Variants in POLR3B observed in about 807,000 individuals in gnomAD.
The protein encoded by POLR3B is DNA-directed RNA polymerase III subunit RPC2.
Under a neutral mutation model 147.4 loss-of-function variants are expected in POLR3B, and 96 were observed. The ratio of observed to expected loss-of-function variants is 0.65; its 90% CI spans 0.55 to 0.77. POLR3B has a LOEUF of 0.77. POLR3B is among the 30% of genes least tolerant of loss of function. The pLI is 0.00. For missense variants in POLR3B, 1,036 were observed against 1,413.5 expected, an observed-to-expected ratio of 0.73 and a Z score of 4.28; for synonymous variants, 461 against 485.9, an observed-to-expected ratio of 0.95 and a Z score of 0.67.
chr12:106,460,647 G>A (rs568440401), intron 22 of POLR3B, among the ~76,000 whole-genome samples: 1 of 152,294 alleles, frequency 6.6e-6, no homozygotes, highest in East Asian at 1.9e-4. Flanking sequence ...TTACAGAGGT[G>A]CCTCTGCTGG....
At chr12:106,390,946 G>A (rs1243088814) in intron 9 of POLR3B, among the ~76,000 whole-genome samples, 5 of 152,134 alleles carry the variant, frequency 3.3e-5, no homozygotes, top group African/African-American at 1.2e-4. Context: ...AGGCTGAGGT[G>A]GGAGGTTCAC....
chr12:106,501,454 AC>A lies in POLR3B; in HGVS notation c.3098+19del, dbSNP rs764916705. On this transcript the variant is annotated intron_variant, in intron 26 of 27. Coordinates refer to ENST00000228347, the MANE Select transcript of POLR3B (RefSeq NM_018082.6). Reference sequence around the variant, plus strand: ...CTTACCAGGTAAGAGAAAAGTACTTACAAAAAGAATTGATAATGCAGTCAAG... The same window carrying A: ...CTTACCAGGTAAGAGAAAAGTACTTAAAAAAGAATTGATAATGCAGTCAAG... 11 of 1,430,322 alleles carry A rather than the reference AC, an allele frequency of 7.7e-6. No individual in the cohort carries two copies. Among genetic ancestry groups the A allele is most frequent in the African/African-American group, 5.6e-5 (4 of 71,404 alleles). The allele number at this position is 1,430,322 out of a possible 1,614,324, so 88.6% of individuals were successfully genotyped here. A position where few individuals can be genotyped will look rare whatever the true frequency, so the allele number is the denominator to read the frequency against.
chr12:106,401,078 G>A (rs1316312877), intron 10 of POLR3B, among the ~76,000 whole-genome samples: 3 of 152,088 alleles, frequency 2.0e-5, no homozygotes, highest in Non-Finnish European at 4.4e-5. Context: ...TAGACTGCTA[G>A]CAAGACTAAT....
At chr12:106,360,335 A>G (rs1204194825) in intron 1 of POLR3B, among the ~76,000 whole-genome samples, 2 of 152,158 alleles carry the variant, frequency 1.3e-5, no homozygotes, top group East Asian at 1.9e-4. Flanking sequence ...ACCAGTGCTT[A>G]CTTCTCTAGT....
intron 10 of POLR3B, 91 bp from the exon 11 acceptor site, chr12:106,405,766 C>G: frequency 4.0e-6 from 5 of 1,245,510 alleles, no homozygotes; most frequent in Non-Finnish European, 5.9e-6. Flanking sequence ...GGGTCTTTAT[C>G]TCTTTCGCTC....
chr12:106,461,699 C>T (rs2037938980), intron 22 of POLR3B, among the ~76,000 whole-genome samples: 1 of 152,004 alleles, frequency 6.6e-6, no homozygotes, highest in Admixed American at 6.6e-5. Context: ...TTCATATGAC[C>T]CTTCTATAGC....
intron 10 of POLR3B, among the ~76,000 whole-genome samples, chr12:106,400,049 A>G (rs575812944): frequency 3.9e-5 from 6 of 152,212 alleles, no homozygotes; most frequent in Non-Finnish European, 8.8e-5. Context: ...AAATTGGATA[A>G]AGAGTCAAGA....
At chr12:106,393,264 G>GTAT in intron 10 of POLR3B, 111 bp downstream of exon 10, 2 of 1,457,542 alleles carry the variant, frequency 1.4e-6, no homozygotes, top group Non-Finnish European at 1.9e-6. Context: ...TTTGGGAAAG[G>GTAT]TATTGGGGAG....
chr12:106,494,749 C>T (rs1348838755), intron 23 of POLR3B, among the ~76,000 whole-genome samples: 1 of 152,138 alleles, frequency 6.6e-6, no homozygotes, highest in Non-Finnish European at 1.5e-5. Context: ...TGTTTCTGTT[C>T]TTCATGTAGG....
intron 2 of POLR3B, among the ~76,000 whole-genome samples, chr12:106,364,894 G>C (rs915915361): frequency 6.6e-6 from 1 of 152,226 alleles, no homozygotes; most frequent in Non-Finnish European, 1.5e-5. Flanking sequence ...CCAGCACCTG[G>C]GGAGGCTGAG....
intron 23 of POLR3B, among the ~76,000 whole-genome samples, chr12:106,488,473 G>T (rs536656103): frequency 3.9e-4 from 60 of 152,326 alleles, no homozygotes; most frequent in Non-Finnish European, 8.1e-4. Flanking sequence ...GGAGAAATAT[G>T]TAAACCCTGA....
intron 12 of POLR3B, among the ~76,000 whole-genome samples, chr12:106,413,187 C>T (rs1466611005): frequency 6.6e-6 from 1 of 152,054 alleles, no homozygotes; most frequent in Non-Finnish European, 1.5e-5. Context: ...CTTTTGGTGT[C>T]ATATTCATGA....
chr12:106,464,436 T>C (rs1050958291), intron 23 of POLR3B, among the ~76,000 whole-genome samples: 1 of 152,156 alleles, frequency 6.6e-6, no homozygotes, highest in African/African-American at 2.4e-5. Flanking sequence ...ATCCATATTT[T>C]ATAGATAAGG....
intron 26 of POLR3B, among the ~76,000 whole-genome samples, chr12:106,502,751 C>G (rs2038621508): frequency 6.6e-6 from 1 of 152,116 alleles, no homozygotes; most frequent in Non-Finnish European, 1.5e-5. Context: ...GAAGTTGATT[C>G]TCAAGACAAT....
chr12:106,373,502 C>G (rs1169774968), intron 6 of POLR3B, among the ~76,000 whole-genome samples: 2 of 151,958 alleles, frequency 1.3e-5, no homozygotes, highest in East Asian at 1.9e-4. Context: ...ACCTGTAATC[C>G]CAGAACTTTG....
intron 23 of POLR3B, among the ~76,000 whole-genome samples, chr12:106,491,210 A>G (rs2038404251): frequency 6.6e-6 from 1 of 152,196 alleles, no homozygotes; most frequent in Non-Finnish European, 1.5e-5. Flanking sequence ...CAATTGCTTC[A>G]TGAGATAGGT....
At chr12:106,476,875 A>G (rs1013692445) in intron 23 of POLR3B, among the ~76,000 whole-genome samples, 5 of 152,052 alleles carry the variant, frequency 3.3e-5, no homozygotes, top group East Asian at 1.9e-4. Flanking sequence ...GCTCGTCAAA[A>G]TCATTCTCCA....
At chr12:106,366,831 G>A (rs922132309) in intron 4 of POLR3B, 109 bp downstream of exon 4, 7 of 924,312 alleles carry the variant, frequency 7.6e-6, no homozygotes, top group Middle Eastern at 3.1e-4. Flanking sequence ...GGCCAGGCTC[G>A]GTGGCTTATG....
At chr12:106,434,340 A>C (rs1442338628) in intron 16 of POLR3B, among the ~76,000 whole-genome samples, 2 of 152,170 alleles carry the variant, frequency 1.3e-5, no homozygotes, top group East Asian at 3.8e-4. Context: ...CGTTTGACGC[A>C]TGATTTTGCC....
Sources: allele counts gnomAD v4.1 joint callset (sites outside exome capture counted in the v4.1 genomes callset), GRCh38; gene constraint gnomAD v4.1.1; transcripts MANE v1.5; gene names NCBI Gene and HGNC (gene_info 2026-07-23, HGNC 2026-07-21).